The following ARHGAP29 variants were observed in gnomAD, a reference collection of about 807,000 sequenced individuals.
The protein encoded by ARHGAP29 is Rho GTPase activating protein 29, also known as rho GTPase-activating protein 29.
A neutral mutation model predicts 122.6 loss-of-function variants in ARHGAP29; 43 were observed. The observed-to-expected ratio is 0.35, with a 90% confidence interval of 0.27 to 0.45. The LOEUF (loss-of-function observed/expected upper bound fraction) is 0.45, where lower values mean the gene tolerates loss of function less well. Ranked by LOEUF, ARHGAP29 falls within the 20% of genes least tolerant of loss-of-function variation. The pLI is 1.00. For missense variants in ARHGAP29, 1,303 were observed against 1,477.2 expected (o/e 0.88, Z 1.93); for synonymous variants, 506 against 497.1 (o/e 1.02, Z -0.24).
At position 94,172,714 on chromosome 1, in the gene ARHGAP29, C is replaced by T. The variant is rs984765663; in HGVS notation, c.*1155G>A. 6.6e-6 allele frequency: 1 copy of T among 151,848 alleles called. No homozygotes were observed. The highest frequency in any genetic ancestry group is 6.6e-5 in the Admixed American group (1 of 15,200). 9.4% of individuals were successfully genotyped at this position (151,848 alleles called of 1,614,324 possible). ...AAAACAGTCTACTTATTTTTTGTCC[C>T]TTTTATATCCTATTTTAGGCAAAAT... On this transcript the variant is annotated 3_prime_UTR_variant, in exon 23 of 23. Coordinates refer to ENST00000260526, the MANE Select transcript of ARHGAP29 (RefSeq NM_004815.4).
intron 2 of ARHGAP29, among the ~76,000 whole-genome samples, chr1:94,224,001 G>A (rs1405138491): frequency 6.6e-6 from 1 of 152,006 alleles, no homozygotes; most frequent in African/African-American, 2.4e-5. Flanking sequence ...TAGAGACGAG[G>A]TTTCACTATG....
At chr1:94,202,188 C>T (rs1650890609) in intron 11 of ARHGAP29, 2 of 467,044 alleles carry the variant, frequency 4.3e-6, no homozygotes, top group South Asian at 9.3e-5. Flanking sequence ...TTTTGCCTAT[C>T]CTTGCTATCA....
intron 3 of ARHGAP29, among the ~76,000 whole-genome samples, chr1:94,215,137 T>C (rs1340292625): frequency 7.2e-6 from 1 of 138,582 alleles, no homozygotes; most frequent in Non-Finnish European, 1.6e-5. Flanking sequence ...ATAAAATACA[T>C]AGGGAAAAAA....
intron 5 of ARHGAP29, among the ~76,000 whole-genome samples, chr1:94,207,720 T>G (rs1000042708): frequency 6.6e-6 from 1 of 152,222 alleles, no homozygotes; most frequent in African/African-American, 2.4e-5. Context: ...TTTGGTAATA[T>G]TGTAATACAT....
chr1:94,251,538 G>A (rs975333408), intron 1 of ARHGAP29, among the ~76,000 whole-genome samples: 1 of 152,162 alleles, frequency 6.6e-6, no homozygotes, highest in South Asian at 2.1e-4. Flanking sequence ...ATGAAGTTAA[G>A]TTTGACCATA....
At chr1:94,184,648 G>A (rs1649681227) in intron 18 of ARHGAP29, among the ~76,000 whole-genome samples, 1 of 151,874 alleles carries the variant, frequency 6.6e-6, no homozygotes, top group Admixed American at 6.6e-5. Context: ...CAGCTACTCA[G>A]GAGGCTGAAG....
At chr1:94,261,750 A>G (rs1391228674) in intron 1 of ARHGAP29, among the ~76,000 whole-genome samples, 1 of 152,234 alleles carries the variant, frequency 6.6e-6, no homozygotes, top group Non-Finnish European at 1.5e-5. Context: ...CAAAGAAATC[A>G]GAGATGACAC....
intron 1 of ARHGAP29, among the ~76,000 whole-genome samples, chr1:94,246,008 C>G (rs560315132): frequency 6.6e-6 from 1 of 152,330 alleles, no homozygotes; most frequent in Non-Finnish European, 1.5e-5. Context: ...TGACCAACCA[C>G]TATACATTCT....
At chr1:94,224,608 A>C (rs1448036928) in intron 2 of ARHGAP29, among the ~76,000 whole-genome samples, 1 of 152,168 alleles carries the variant, frequency 6.6e-6, no homozygotes, top group Non-Finnish European at 1.5e-5. Context: ...TAATAGATAG[A>C]ACTCACATAA....
Position 94,171,427 on chromosome 1 carries a change from C to G in ARHGAP29, c.*2442G>C, listed in dbSNP as rs1041934493. ...CTTCTTCTGAGTCGTTTGGACAATA[C>G]GCATCATCTTGGACAATACGCCTCC... On this transcript the variant is annotated 3_prime_UTR_variant, in exon 23 of 23. Coordinates refer to ENST00000260526, the MANE Select transcript of ARHGAP29 (RefSeq NM_004815.4). Among the ~76,000 whole-genome samples, 2 of 152,124 alleles carry G rather than the reference C, an allele frequency of 1.3e-5. No individual in the cohort carries two copies. The highest frequency in any genetic ancestry group is 1.3e-4 in the Admixed American group (2 of 15,260).
chr1:94,243,737 T>C (rs1392903776), intron 1 of ARHGAP29, among the ~76,000 whole-genome samples: 1 of 151,912 alleles, frequency 6.6e-6, no homozygotes. Flanking sequence ...AAAAAATCAA[T>C]ATAACCAAAA....
intron 19 of ARHGAP29, among the ~76,000 whole-genome samples, chr1:94,180,908 A>C (rs1649413971): frequency 6.6e-6 from 1 of 152,172 alleles, no homozygotes; most frequent in Admixed American, 6.5e-5. Flanking sequence ...AGGATGATTC[A>C]TTATGAGATT....
At chr1:94,240,220 G>A (rs1473663612), upstream of ARHGAP29, among the ~76,000 whole-genome samples, 1 of 152,162 alleles carries the variant, frequency 6.6e-6, no homozygotes, top group African/African-American at 2.4e-5. Flanking sequence ...ATCGAGGAAT[G>A]TTACTTAGAA....
At chr1:94,205,254 C>T (rs551867784) in intron 6 of ARHGAP29, 56 bp from the exon 7 acceptor site, 15 of 1,336,064 alleles carry the variant, frequency 1.1e-5, no homozygotes, top group African/African-American at 4.5e-5. Flanking sequence ...ATCATAACTC[C>T]AAACAAAGAA....
chr1:94,298,388 A>G, the ARHGAP29 span, among the ~76,000 whole-genome samples: 7 of 152,198 alleles, frequency 4.6e-5, no homozygotes, highest in Admixed American at 2.6e-4. Flanking sequence ...GTCTTTGTTC[A>G]GCATCTAAAT....
At chr1:94,231,345 T>C in intron 2 of ARHGAP29, 62 bp downstream of exon 2, 1 of 1,403,718 alleles carries the variant, frequency 7.1e-7, no homozygotes, top group Non-Finnish European at 1.0e-6. Context: ...ACTTATCTGC[T>C]AGGCCAGCAT....
At chr1:94,294,368 A>T in the ARHGAP29 span, among the ~76,000 whole-genome samples, 1 of 152,048 alleles carries the variant, frequency 6.6e-6, no homozygotes, top group Admixed American at 6.6e-5. Flanking sequence ...CTGGAGTGCC[A>T]TTGTGGCCCA....
chr1:94,293,552 G>A, the ARHGAP29 span, among the ~76,000 whole-genome samples: 1 of 152,114 alleles, frequency 6.6e-6, no homozygotes, highest in African/African-American at 2.4e-5. Flanking sequence ...GAAATCACTC[G>A]TCTTCTGCGT....
rs781304449 is a variant in ARHGAP29, at chr1:94,174,293, G to C, written c.3362C>G (p.Ala1121Gly). ...TGCATATGGCTTACTGGGTTGAGTG[G>C]CATTGATAGAATGGTCCCCACTAAT... ...LQISGDHSINATQPSKPYAEP... is the reference protein window; with the variant it reads ...LQISGDHSINGTQPSKPYAEP... Residue 1121 changes from alanine to glycine, a missense_variant, in exon 23 of 23, where the codon GCC (alanine) becomes GGC (glycine). By Grantham distance (60) the Ala-to-Gly change is moderately conservative. Coordinates refer to ENST00000260526, the MANE Select transcript of ARHGAP29 (RefSeq NM_004815.4). The C allele has an allele frequency of 1.9e-6, 3 of 1,614,156 alleles. No individual in the cohort carries two copies. Among genetic ancestry groups the C allele is most frequent in the Admixed American group, 3.3e-5 (2 of 60,022 alleles).
Sources: allele counts gnomAD v4.1 joint callset (sites outside exome capture counted in the v4.1 genomes callset), GRCh38; gene constraint gnomAD v4.1.1; transcripts MANE v1.5; gene names NCBI Gene and HGNC (gene_info 2026-07-23, HGNC 2026-07-21).